Variants in CCDC178 observed in about 807,000 individuals in gnomAD.
CCDC178 encodes coiled-coil domain containing 178.
CCDC178 carries 126 observed loss-of-function variants against 117.4 expected under a neutral mutation model. The ratio of observed to expected loss-of-function variants is 1.07; its 90% CI spans 0.93 to 1.24. CCDC178 has a LOEUF of 1.24. Among genes scored for constraint, CCDC178 ranks in the 50% most tolerant of loss-of-function variants. The probability of loss-of-function intolerance (pLI) is 0.00; values close to 1 mark genes in which losing one functional copy is unlikely to be tolerated. For missense variants in CCDC178, 1,030 were observed against 986.9 expected, an observed-to-expected ratio of 1.04 and a Z score of -0.59; for synonymous variants, 283 against 313.4, an observed-to-expected ratio of 0.90 and a Z score of 1.02.
At position 33,431,836 on chromosome 18, in the gene CCDC178, T is replaced by G. The variant is rs570959703; in HGVS notation, c.-23+8126A>C. Among the ~76,000 whole-genome samples, 258 of 152,370 alleles carry G rather than the reference T, an allele frequency of 1.7e-3. 1 individual carries two copies. Among genetic ancestry groups the G allele is most frequent in the Non-Finnish European group, 2.7e-3 (181 of 68,032 alleles). The stretch of plus-strand genomic sequence containing the variant: ...TTATATCATAACAAGACTTTGTAGT[T>G]TTTTGTCTAAAGGTTTTTGGCCTGG... On this transcript the variant is annotated intron_variant, in intron 2 of 22. Coordinates refer to ENST00000383096, the MANE Select transcript of CCDC178 (RefSeq NM_001105528.4).
At chr18:33,048,894 G>A (rs537816378) in intron 21 of CCDC178, among the ~76,000 whole-genome samples, 3 of 152,132 alleles carry the variant, frequency 2.0e-5, no homozygotes, top group Admixed American at 2.0e-4. Context: ...AATACTATAA[G>A]AATTCCAAAA....
chr18:33,025,945 A>G (rs1378253612), intron 21 of CCDC178, among the ~76,000 whole-genome samples: 1 of 152,156 alleles, frequency 6.6e-6, no homozygotes, highest in Non-Finnish European at 1.5e-5. Context: ...TATTCATAAT[A>G]GCTAAAAATT....
intron 21 of CCDC178, among the ~76,000 whole-genome samples, chr18:33,073,533 ATCTATCTATCTATC>A (rs2057148445): frequency 6.7e-6 from 1 of 149,320 alleles, no homozygotes; most frequent in African/African-American, 2.5e-5. Context: ...CTATCTATCT[ATCTATCTATCTATC>A]TATCTATATA....
At chr18:33,220,190 T>C (rs977457218) in intron 18 of CCDC178, among the ~76,000 whole-genome samples, 4 of 151,976 alleles carry the variant, frequency 2.6e-5, no homozygotes, top group Non-Finnish European at 5.9e-5. Flanking sequence ...AGAGAACAAA[T>C]CCCAGTCTCT....
intron 12 of CCDC178, among the ~76,000 whole-genome samples, chr18:33,268,556 T>C (rs1352525272): frequency 1.3e-5 from 2 of 151,900 alleles, no homozygotes; most frequent in South Asian, 4.1e-4. Flanking sequence ...TGCATAATCT[T>C]GGGCTAAAGG....
At chr18:33,034,677 T>G (rs531396497) in intron 21 of CCDC178, among the ~76,000 whole-genome samples, 88 of 152,184 alleles carry the variant, frequency 5.8e-4, no homozygotes, top group African/African-American at 2.1e-3. Flanking sequence ...CTTTGTTGTG[T>G]ACACAATGAT....
At chr18:33,417,712 G>C (rs2063965399) in intron 2 of CCDC178, among the ~76,000 whole-genome samples, 1 of 152,044 alleles carries the variant, frequency 6.6e-6, no homozygotes, top group South Asian at 2.1e-4. Flanking sequence ...AGGGAGCACA[G>C]GACTTTCCTG....
chr18:33,103,828 C>G (rs1305438648), intron 20 of CCDC178, among the ~76,000 whole-genome samples: 1 of 151,686 alleles, frequency 6.6e-6, no homozygotes, highest in African/African-American at 2.4e-5. Context: ...TGTTGCTGAG[C>G]TAAGCTAAAG....
intron 21 of CCDC178, among the ~76,000 whole-genome samples, chr18:33,001,461 C>T (rs777945302): frequency 8.6e-5 from 13 of 151,646 alleles, no homozygotes; most frequent in Non-Finnish European, 1.5e-4. Flanking sequence ...TGCAGTGAGC[C>T]GAGATCACGC....
chr18:33,208,121 T>G lies in CCDC178; in HGVS notation c.2238+3775A>C, dbSNP rs772551391. Among the ~76,000 whole-genome samples the G allele has an allele frequency of 7.9e-5, 12 of 152,234 alleles. No individual in the cohort carries two copies. In the South Asian group the frequency reaches 2.1e-3, roughly 26 times the overall value. On this transcript the variant is annotated intron_variant, in intron 20 of 22. Coordinates refer to ENST00000383096, the MANE Select transcript of CCDC178 (RefSeq NM_001105528.4). ...AAAAAGCAATACGATAAGCCTAATT[T>G]ATATAATTGTGTGTGATTAATTGAT...
chr18:33,389,102 G>A (rs1303835253), intron 5 of CCDC178, among the ~76,000 whole-genome samples: 2 of 152,046 alleles, frequency 1.3e-5, no homozygotes, highest in Non-Finnish European at 2.9e-5. Flanking sequence ...GTTTACCTAT[G>A]TAAAAAACCA....
intron 3 of CCDC178, among the ~76,000 whole-genome samples, chr18:33,406,027 C>A (rs2063775366): frequency 6.6e-6 from 1 of 151,962 alleles, no homozygotes; most frequent in African/African-American, 2.4e-5. Context: ...AGCTTCCTAG[C>A]TGATTTTGGT....
intron 15 of CCDC178, among the ~76,000 whole-genome samples, chr18:33,240,615 G>A (rs2059476248): frequency 6.6e-6 from 1 of 151,716 alleles, no homozygotes; most frequent in African/African-American, 2.4e-5. Context: ...TGAAAACCTA[G>A]AGGAAATGGA....
At chr18:33,118,779 G>T (rs1254101082) in intron 20 of CCDC178, among the ~76,000 whole-genome samples, 1 of 152,120 alleles carries the variant, frequency 6.6e-6, no homozygotes, top group Non-Finnish European at 1.5e-5. Flanking sequence ...CATGCTACCT[G>T]ACTTCAAACT....
intron 21 of CCDC178, among the ~76,000 whole-genome samples, chr18:33,034,029 C>T (rs931888399): frequency 2.0e-5 from 3 of 151,802 alleles, no homozygotes; most frequent in Admixed American, 2.0e-4. Context: ...CCAATGTCAT[C>T]ATCTTTCCCT....
chr18:33,278,143 A>G (rs557143964), intron 12 of CCDC178, among the ~76,000 whole-genome samples: 2 of 151,976 alleles, frequency 1.3e-5, no homozygotes, highest in Admixed American at 1.3e-4. Flanking sequence ...TAGGTTCGAT[A>G]TATCCTGGGG....
chr18:32,975,027 C>T (rs954034701), intron 21 of CCDC178, among the ~76,000 whole-genome samples: 2 of 152,072 alleles, frequency 1.3e-5, no homozygotes, highest in African/African-American at 4.8e-5. Context: ...ACATATTGAA[C>T]CTTTCTTGAA....
intron 20 of CCDC178, among the ~76,000 whole-genome samples, chr18:33,169,640 T>C (rs2058574341): frequency 2.0e-5 from 3 of 152,192 alleles, no homozygotes; most frequent in Admixed American, 1.3e-4. Flanking sequence ...ATGCCAACTC[T>C]TTACTTAAAA....
At chr18:33,003,338 T>C (rs779269467) in intron 21 of CCDC178, among the ~76,000 whole-genome samples, 1 of 152,302 alleles carries the variant, frequency 6.6e-6, no homozygotes. Context: ...TCATTTATCA[T>C]GACCAAGTGG....
Sources: allele counts gnomAD v4.1 joint callset (sites outside exome capture counted in the v4.1 genomes callset), GRCh38; gene constraint gnomAD v4.1.1; transcripts MANE v1.5; gene names NCBI Gene and HGNC (gene_info 2026-07-23, HGNC 2026-07-21).